Variants in SHANK2 observed in about 807,000 individuals in gnomAD.
SHANK2 encodes the protein SH3 and multiple ankyrin repeat domains protein 2.
SHANK2 carries 43 observed loss-of-function variants against 133.7 expected under a neutral mutation model. The observed-to-expected ratio is 0.32, with a 90% confidence interval of 0.25 to 0.41. The LOEUF is 0.41. Among genes scored for constraint, SHANK2 ranks in the 10% least tolerant of loss-of-function variants. SHANK2 has a pLI of 1.00. For missense variants in SHANK2, 1,994 were observed against 2,235.8 expected, an observed-to-expected ratio of 0.89 and a Z score of 2.18; for synonymous variants, 1,017 against 952.8, an observed-to-expected ratio of 1.07 and a Z score of -1.24.
At chr11:71,223,660 C>T (rs75966942) in intron 2 of SHANK2, among the ~76,000 whole-genome samples, 6,708 of 152,160 alleles carry the variant, frequency 0.044, 197 homozygotes, top group Middle Eastern at 0.078. Flanking sequence ...CTTTGGATGC[C>T]GAGGGATGAC....
chr11:70,531,404 A>G (rs1283611175), intron 17 of SHANK2, among the ~76,000 whole-genome samples: 1 of 152,140 alleles, frequency 6.6e-6, no homozygotes, highest in Non-Finnish European at 1.5e-5. Flanking sequence ...CGGGGGCCTG[A>G]GCCTGGGGTG....
rs1555149393 is a variant in SHANK2, at chr11:70,473,648, A to G, written c.4980-209T>C. ...AGCAAAGTTGGAGACACCAGAGCAC[A>G]CCACGTCAGCCCACTCACCTGAACT... is the stretch of plus-strand genomic sequence containing the variant. On this transcript the variant is annotated intron_variant, in intron 25 of 25. Coordinates refer to ENST00000601538, the MANE Select transcript of SHANK2 (RefSeq NM_012309.5). The surrounding 1 kb of genome is among the most constrained non-coding windows in gnomAD (Gnocchi z 5.9). The G allele has an allele frequency of 3.1e-6, 2 of 650,516 alleles. No individual in the cohort carries two copies. The highest frequency in any genetic ancestry group is 5.6e-6 in the Non-Finnish European group (2 of 357,242). The allele number at this position is 650,516 out of a possible 1,614,324, so 40.3% of individuals were successfully genotyped here.
At chr11:71,062,400 C>G (rs1376259864) in intron 9 of SHANK2, among the ~76,000 whole-genome samples, 3 of 152,230 alleles carry the variant, frequency 2.0e-5, no homozygotes, top group African/African-American at 7.2e-5. Context: ...CAGTTCCCAT[C>G]TGGGGCCTGG....
intron 11 of SHANK2, among the ~76,000 whole-genome samples, chr11:70,888,137 A>G (rs1217563373): frequency 6.6e-6 from 1 of 151,968 alleles, no homozygotes; most frequent in African/African-American, 2.4e-5. Context: ...CCCCCACCCA[A>G]GAGGCCAGGA....
At chr11:70,558,702 C>T (rs993543786) in intron 17 of SHANK2, among the ~76,000 whole-genome samples, 11 of 151,922 alleles carry the variant, frequency 7.2e-5, no homozygotes, top group Non-Finnish European at 1.5e-5. Context: ...TACACTTGGG[C>T]ACTGGGTGAG....
intron 2 of SHANK2, among the ~76,000 whole-genome samples, chr11:71,201,749 G>T (rs1448848665): frequency 6.6e-6 from 1 of 152,208 alleles, no homozygotes; most frequent in African/African-American, 2.4e-5. Flanking sequence ...GGGTAGTGGG[G>T]CTGGCTTTGA....
At chr11:70,811,623 C>T (rs1274889448) in intron 12 of SHANK2, among the ~76,000 whole-genome samples, 3 of 146,418 alleles carry the variant, frequency 2.0e-5, no homozygotes, top group African/African-American at 7.9e-5. Flanking sequence ...TCTACCTATC[C>T]ATCATCCATC....
intron 2 of SHANK2, among the ~76,000 whole-genome samples, chr11:71,166,839 G>A (rs550204223): frequency 6.7e-6 from 1 of 148,820 alleles, no homozygotes; most frequent in East Asian, 2.0e-4. Context: ...CTCGCAGAGG[G>A]GGATTTGGCA....
chr11:71,055,952 A>T (rs962837675), intron 10 of SHANK2, among the ~76,000 whole-genome samples: 20 of 151,920 alleles, frequency 1.3e-4, no homozygotes, highest in Admixed American at 2.6e-4. Context: ...CAAATGTTAA[A>T]TGTGATGCTA....
At chr11:70,730,693 C>T (rs1207443572) in intron 14 of SHANK2, among the ~76,000 whole-genome samples, 2 of 152,236 alleles carry the variant, frequency 1.3e-5, no homozygotes, top group African/African-American at 4.8e-5. Flanking sequence ...AAGGATGAGG[C>T]TGCTGCGGCA....
intron 2 of SHANK2, among the ~76,000 whole-genome samples, chr11:71,222,578 G>C (rs1476314640): frequency 6.6e-6 from 1 of 152,238 alleles, no homozygotes; most frequent in African/African-American, 2.4e-5. Context: ...TGCACGCCAT[G>C]GTTGTTAGCT....
rs1334310135 is a variant in SHANK2, at chr11:70,531,058, A to T, written c.2062-28127T>A. ...ACATTCGTCGGGCTTGGTGGCGCAC[A>T]TCTGTAATCCCAGCTACTTGGTGGC... is the stretch of plus-strand genomic sequence containing the variant. On this transcript the variant is annotated intron_variant, in intron 17 of 25. Coordinates refer to ENST00000601538, the MANE Select transcript of SHANK2 (RefSeq NM_012309.5). Among the ~76,000 whole-genome samples, 7 of 150,560 alleles carry T rather than the reference A, an allele frequency of 4.6e-5. No homozygotes were observed. In the East Asian group the frequency reaches 1.4e-3, roughly 30 times the overall value.
Position 71,147,302 on chromosome 11 carries a change from C to T in SHANK2, c.25G>A (p.Glu9Lys), listed in dbSNP as rs558310216. MPRSPTSS[E>K]DEMAQSFSDY... ...GAGAAGCTCTGGGCCATCTCGTCCT[C>T]GCTGGATGTTGGGCTGCGCGGCATG... The change falls in exon 3 of 26, where the codon GAG becomes AAG. Residue 9 changes from glutamate to lysine, a missense_variant. Physicochemically the swap from Glu to Lys is moderately conservative, Grantham distance 56. This residue lies in a region of SHANK2 where 653 missense variants were observed against 563.4 expected (regional missense o/e 1.16). Transcript: ENST00000601538. 8.1e-5 allele frequency: 125 copies of T among 1,550,900 alleles called. 1 individual carries two copies. The highest frequency in any genetic ancestry group is 3.9e-5 in the Admixed American group (2 of 50,988).
chr11:71,178,268 C>T (rs1435120507), intron 2 of SHANK2, among the ~76,000 whole-genome samples: 1 of 152,230 alleles, frequency 6.6e-6, no homozygotes, highest in Non-Finnish European at 1.5e-5. Context: ...GAAGGAAATT[C>T]TGACTCATGC....
chr11:71,198,920 T>C (rs1159360451), intron 2 of SHANK2, among the ~76,000 whole-genome samples: 14 of 152,142 alleles, frequency 9.2e-5, no homozygotes, highest in African/African-American at 2.9e-4. Flanking sequence ...CCTGTGATGC[T>C]CGGCCCAGCA....
At chr11:71,071,760 A>G (rs1951145674) in intron 9 of SHANK2, among the ~76,000 whole-genome samples, 1 of 152,150 alleles carries the variant, frequency 6.6e-6, no homozygotes, top group African/African-American at 2.4e-5. Flanking sequence ...GGAGCCATGG[A>G]AGGGCTGGGG....
At position 70,920,426 on chromosome 11, in the gene SHANK2, G is replaced by A. The variant is rs114096220; in HGVS notation, c.1108-23859C>T. Among the ~76,000 whole-genome samples the A allele has an allele frequency of 5.8e-3, 879 of 152,252 alleles. 9 individuals carry two copies. Among genetic ancestry groups the A allele is most frequent in the African/African-American group, 0.02 (832 of 41,536 alleles). The stretch of plus-strand genomic sequence containing the variant: ...AAAATGATTACCTATGATGAAGGAA[G>A]AGACAAGAGTGGAAAGGAGAGGCGG... On this transcript the variant is annotated intron_variant, in intron 10 of 25. Coordinates refer to ENST00000601538, the MANE Select transcript of SHANK2 (RefSeq NM_012309.5).
chr11:70,568,646 G>GGCCCCCCCCCCCCCCC (rs2059999450), intron 17 of SHANK2, among the ~76,000 whole-genome samples: 1 of 79,966 alleles, frequency 1.3e-5, no homozygotes, highest in African/African-American at 3.9e-5. Flanking sequence ...GCGGATTCCT[G>GGCCCCCCCCCCCCCCC]CCCCCCCCGC....
chr11:70,702,334 TCACCAA>T (rs1443117105), intron 14 of SHANK2, among the ~76,000 whole-genome samples: 8 of 149,150 alleles, frequency 5.4e-5, no homozygotes, highest in Non-Finnish European at 8.9e-5. Context: ...ACCATCATCA[TCACCAA>T]CACCATCACC....
Sources: allele counts gnomAD v4.1 joint callset (sites outside exome capture counted in the v4.1 genomes callset), GRCh38; gene constraint gnomAD v4.1.1; regional missense constraint gnomAD v4.1.1; non-coding constraint Gnocchi (gnomAD v3.1); transcripts MANE v1.5; gene names NCBI Gene and HGNC (gene_info 2026-07-23, HGNC 2026-07-21).